The following RBFOX1 variants were observed in gnomAD, a reference collection of about 807,000 sequenced individuals.
RBFOX1 encodes the protein RNA binding protein fox-1 homolog 1.
A neutral mutation model predicts 57.7 loss-of-function variants in RBFOX1; 8 were observed. The ratio of observed to expected loss-of-function variants is 0.14; its 90% CI spans 0.08 to 0.25. The LOEUF (loss-of-function observed/expected upper bound fraction) is 0.25. Ranked by LOEUF, RBFOX1 falls within the 10% of genes least tolerant of loss-of-function variation. RBFOX1 has a pLI of 1.00. For missense variants in RBFOX1, 611 were observed against 548.5 expected (o/e 1.11, Z -1.14); for synonymous variants, 326 against 222.4 (o/e 1.47, Z -4.15).
At chr16:5,903,658 G>T (rs1437549542) in intron 4 of RBFOX1, among the ~76,000 whole-genome samples, 2 of 152,078 alleles carry the variant, frequency 1.3e-5, no homozygotes, top group African/African-American at 2.4e-5. Context: ...CTATGTGTTT[G>T]GGGGCACCTC....
rs75458843 is a variant in RBFOX1 at position 7,007,282 on chromosome 16, C to G, written c.-15-44775C>G. Among the ~76,000 whole-genome samples the G allele has an allele frequency of 7.0e-3, 1,070 of 152,236 alleles. 10 individuals are homozygous for G. The highest frequency in any genetic ancestry group is 0.021 in the African/African-American group (867 of 41,548). ...TCCTTTTGTGAAGTGTGGACTCTTC[C>G]AACTCATAGTCAGCAATGGTACGAA... On this transcript the variant is annotated intron_variant, in intron 3 of 15. Transcript: ENST00000550418.
intron 1 of RBFOX1, among the ~76,000 whole-genome samples, chr16:6,110,195 C>CTTCT (rs1555510399): frequency 2.3e-5 from 3 of 128,262 alleles, no homozygotes; most frequent in Non-Finnish European, 3.2e-5. Flanking sequence ...TTTTCTTCTT[C>CTTCT]TTTTTTTTTT....
intron 4 of RBFOX1, among the ~76,000 whole-genome samples, chr16:7,499,795 A>G (rs1426021554): frequency 6.6e-6 from 1 of 152,048 alleles, no homozygotes; most frequent in Non-Finnish European, 1.5e-5. Context: ...TTTCCTTAGC[A>G]TTATCTACTT....
At chr16:5,923,783 T>G (rs12446633) in intron 4 of RBFOX1, among the ~76,000 whole-genome samples, 9,458 of 152,030 alleles carry the variant, frequency 0.062, 400 homozygotes, top group Non-Finnish European at 0.087. Flanking sequence ...TCAAGTGATG[T>G]GCCTACCTCA....
intron 3 of RBFOX1, among the ~76,000 whole-genome samples, chr16:5,708,466 C>G (rs1040935673): frequency 2.6e-5 from 4 of 152,206 alleles, no homozygotes; most frequent in African/African-American, 9.6e-5. Flanking sequence ...TTTATAATTT[C>G]AGGCTATTAG....
At chr16:6,234,768 T>C (rs2097492092) in intron 1 of RBFOX1, among the ~76,000 whole-genome samples, 1 of 152,120 alleles carries the variant, frequency 6.6e-6, no homozygotes, top group Admixed American at 6.5e-5. Context: ...TGAGGTTACA[T>C]GGATCTATAC....
intron 10 of RBFOX1, among the ~76,000 whole-genome samples, chr16:7,628,088 G>A (rs955031966): frequency 6.6e-6 from 1 of 152,078 alleles, no homozygotes; most frequent in African/African-American, 2.4e-5. Context: ...ATTGCATCGA[G>A]GATATTGAAA....
intron 2 of RBFOX1, among the ~76,000 whole-genome samples, chr16:6,540,710 A>T (rs1301020748): frequency 6.6e-6 from 1 of 152,090 alleles, no homozygotes; most frequent in East Asian, 1.9e-4. Flanking sequence ...AAATTCTTAT[A>T]CAATGCTTTA....
intron 4 of RBFOX1, among the ~76,000 whole-genome samples, chr16:7,170,423 C>T (rs962804260): frequency 6.6e-6 from 1 of 152,008 alleles, no homozygotes; most frequent in Non-Finnish European, 1.5e-5. Context: ...AGGCACAGGT[C>T]ACCACACCCA....
intron 3 of RBFOX1, among the ~76,000 whole-genome samples, chr16:5,637,448 A>G (rs1486655864): frequency 6.6e-6 from 1 of 152,216 alleles, no homozygotes. Context: ...AACTTCAGAC[A>G]GTAAAGGAAT....
At position 5,284,756 on chromosome 16, in the gene RBFOX1, A is replaced by ATTTTTTTTTTTTTTTTTT. The variant is rs1166998032; in HGVS notation, c.219+44660_219+44677dup. ...GCTGGGTATAGTAGTTTTGGCTTAG[A>ATTTTTTTTTTTTTTTTTT]TTTTTTTTTTTTTTTTTTTTTTTTT... On this transcript the variant is annotated intron_variant, in intron 1 of 2. Coordinates refer to the RBFOX1 transcript ENST00000585867. Among the ~76,000 whole-genome samples, 53 of 61,040 alleles carry ATTTTTTTTTTTTTTTTTT rather than the reference A, an allele frequency of 8.7e-4. 4 individuals are homozygous for ATTTTTTTTTTTTTTTTTT. The highest frequency in any genetic ancestry group is 1.0e-3 in the Non-Finnish European group (35 of 33,608). The allele number at this position is 61,040 out of a possible 152,430, so 40.0% of individuals were successfully genotyped here. A position where few individuals can be genotyped will look rare whatever the true frequency, so the allele number is the denominator to read the frequency against.
At chr16:5,857,692 C>T (rs547683874) in intron 3 of RBFOX1, among the ~76,000 whole-genome samples, 10 of 151,964 alleles carry the variant, frequency 6.6e-5, no homozygotes, top group African/African-American at 2.2e-4. Flanking sequence ...GAGGCCAAGA[C>T]GGGCAGAACA....
intron 4 of RBFOX1, among the ~76,000 whole-genome samples, chr16:7,432,241 A>T (rs915240560): frequency 1.3e-5 from 2 of 152,220 alleles, no homozygotes; most frequent in Non-Finnish European, 2.9e-5. Context: ...TAAAGGTAGG[A>T]TGAGTCTCCC....
chr16:6,603,079 A>G (rs907097612), intron 2 of RBFOX1, among the ~76,000 whole-genome samples: 1 of 152,228 alleles, frequency 6.6e-6, no homozygotes, highest in Admixed American at 6.5e-5. Flanking sequence ...TAGCAAAAAA[A>G]TAAAATTTGC....
intron 4 of RBFOX1, among the ~76,000 whole-genome samples, chr16:5,913,936 C>T (rs1567140891): frequency 6.6e-6 from 1 of 152,228 alleles, no homozygotes; most frequent in South Asian, 2.1e-4. Context: ...TCTGTCACTC[C>T]TCTCATTCCG....
chr16:6,796,371 T>C (rs1177958931), intron 3 of RBFOX1, among the ~76,000 whole-genome samples: 1 of 152,128 alleles, frequency 6.6e-6, no homozygotes, highest in Non-Finnish European at 1.5e-5. Context: ...TCAGTTACTA[T>C]AGTCATTTTT....
intron 6 of RBFOX1, 29 bp from the exon 7 acceptor site, chr16:7,587,214 TCTTG>T (rs1834387959): frequency 6.7e-7 from 1 of 1,499,990 alleles, no homozygotes; most frequent in Non-Finnish European, 8.9e-7. Context: ...GCATTTCTCT[TCTTG>T]CTTATAAGAT....
intron 1 of RBFOX1, among the ~76,000 whole-genome samples, chr16:5,392,656 G>T (rs1441573537): frequency 6.6e-6 from 1 of 151,712 alleles, no homozygotes; most frequent in East Asian, 1.9e-4. Flanking sequence ...CTCCTCCTAT[G>T]TCCAAGGAGA....
intron 1 of RBFOX1, among the ~76,000 whole-genome samples, chr16:5,287,654 C>T (rs544308146): frequency 6.6e-6 from 1 of 152,278 alleles, no homozygotes; most frequent in Non-Finnish European, 1.5e-5. Flanking sequence ...CTTGGTGTCT[C>T]TTATCTTCCG....
Sources: allele counts gnomAD v4.1 joint callset (sites outside exome capture counted in the v4.1 genomes callset), GRCh38; gene constraint gnomAD v4.1.1; transcripts MANE v1.5; gene names NCBI Gene and HGNC (gene_info 2026-07-23, HGNC 2026-07-21).